The following PTCHD4 variants were observed in gnomAD, a reference collection of about 807,000 sequenced individuals.
PTCHD4 encodes patched domain containing 4, also known as patched domain-containing protein 4.
A neutral mutation model predicts 58.1 loss-of-function variants in PTCHD4; 33 were observed. The observed-to-expected ratio is 0.57, with a 90% confidence interval of 0.43 to 0.76. The LOEUF (loss-of-function observed/expected upper bound fraction) is 0.76, where lower values mean the gene tolerates loss of function less well. Among genes scored for constraint, PTCHD4 ranks in the 30% least tolerant of loss-of-function variants. The pLI is 0.00. For synonymous variants in PTCHD4, 478 were observed against 409.6 expected (o/e 1.17, Z -2.02); for missense variants, 1,058 against 1,027.1 (o/e 1.03, Z -0.41).
chr6:48,094,651 T>C (rs1273455816), intron 1 of PTCHD4, among the ~76,000 whole-genome samples: 1 of 152,168 alleles, frequency 6.6e-6, no homozygotes, highest in Non-Finnish European at 1.5e-5. Context: ...ATAAAGAAGA[T>C]TATATCTCAA....
intron 1 of PTCHD4, among the ~76,000 whole-genome samples, chr6:48,106,344 C>T (rs1172987457): frequency 6.6e-6 from 1 of 152,096 alleles, no homozygotes; most frequent in Non-Finnish European, 1.5e-5. Context: ...GAAACAAAGA[C>T]ACAAACCACA....
chr6:48,021,138 A>G (rs1763054997), intron 3 of PTCHD4, among the ~76,000 whole-genome samples: 1 of 152,142 alleles, frequency 6.6e-6, no homozygotes, highest in South Asian at 2.1e-4. Context: ...TAAAAATAGT[A>G]TAAAATCTAT....
At chr6:48,031,593 A>C (rs962010987) in intron 3 of PTCHD4, among the ~76,000 whole-genome samples, 29 of 152,140 alleles carry the variant, frequency 1.9e-4, no homozygotes, top group Admixed American at 1.6e-3. Flanking sequence ...GAATGTGAGA[A>C]TAGAAGCCGT....
At chr6:48,051,846 T>C (rs1764245246) in intron 3 of PTCHD4, among the ~76,000 whole-genome samples, 1 of 152,054 alleles carries the variant, frequency 6.6e-6, no homozygotes, top group Non-Finnish European at 1.5e-5. Context: ...TTTAAAAGTA[T>C]AGAGCTCTTG....
chr6:48,038,050 G>GA (rs1271657471), intron 3 of PTCHD4, among the ~76,000 whole-genome samples: 1 of 149,632 alleles, frequency 6.7e-6, no homozygotes, highest in Non-Finnish European at 1.5e-5. Flanking sequence ...TGACCAAAAA[G>GA]AAAAAATAAA....
At chr6:48,082,000 G>A (rs1045314323) in intron 1 of PTCHD4, among the ~76,000 whole-genome samples, 7 of 152,168 alleles carry the variant, frequency 4.6e-5, no homozygotes, top group African/African-American at 1.4e-4. Flanking sequence ...TGTTCATTCT[G>A]ATATTCAGGC....
At chr6:48,097,164 T>C (rs1356545399) in intron 1 of PTCHD4, among the ~76,000 whole-genome samples, 2 of 152,064 alleles carry the variant, frequency 1.3e-5, no homozygotes, top group South Asian at 2.1e-4. Context: ...TAAAAGCTTA[T>C]AAAATTTAAA....
At chr6:48,063,359 A>C (rs937249653) in intron 3 of PTCHD4, among the ~76,000 whole-genome samples, 2 of 152,216 alleles carry the variant, frequency 1.3e-5, no homozygotes, top group Non-Finnish European at 2.9e-5. Context: ...TGAGCAAGTA[A>C]GGGAAATAAT....
intron 4 of PTCHD4, among the ~76,000 whole-genome samples, chr6:47,880,635 G>T (rs760439537): frequency 2.0e-5 from 3 of 152,142 alleles, no homozygotes; most frequent in Non-Finnish European, 4.4e-5. Flanking sequence ...TCTGATTCAC[G>T]TGAGATGGAT....
chr6:47,900,708 GA>G (rs1402150743), intron 4 of PTCHD4: 1 of 152,122 alleles, frequency 6.6e-6, no homozygotes, highest in African/African-American at 2.4e-5. Context: ...AGTTTGTTGA[GA>G]GTTATTTTGT....
intron 1 of PTCHD4, among the ~76,000 whole-genome samples, chr6:48,093,752 C>T (rs111992008): frequency 2.4e-3 from 366 of 151,868 alleles, no homozygotes; most frequent in African/African-American, 8.0e-3. Flanking sequence ...AAAAAAATGG[C>T]GAGGAAAAGA....
rs774029655 is a variant in PTCHD4, at chr6:47,866,758, G to A, written c.*11545C>T. On this transcript the variant is annotated 3_prime_UTR_variant, in exon 5 of 5. Transcript: ENST00000339488. ...AACTATTAAAAAGGACAAGGGTAAT[G>A]TATAAATCAGTTAGGTTTATGCTTA... Among the ~76,000 whole-genome samples, 3 of 151,800 alleles carry A rather than the reference G, an allele frequency of 2.0e-5. No homozygotes were observed. Among genetic ancestry groups the A allele is most frequent in the Admixed American group, 6.6e-5 (1 of 15,204 alleles).
chr6:48,018,124 G>T (rs1264434139), intron 3 of PTCHD4, among the ~76,000 whole-genome samples: 1 of 152,140 alleles, frequency 6.6e-6, no homozygotes, highest in Non-Finnish European at 1.5e-5. Flanking sequence ...ATCCATCTAA[G>T]ATTATTCCAT....
Position 48,002,398 on chromosome 6 carries a change from G to A in PTCHD4, c.898+6236C>T, listed in dbSNP as rs560506870. ...TGATAGACTGGATTAAGAAAATGTG[G>A]CACATATACACCATGGAATACTATG... On this transcript the variant is annotated intron_variant, in intron 4 of 4. Transcript: ENST00000339488. 6.8e-4 allele frequency among the ~76,000 whole-genome samples: 104 copies of A among 152,214 alleles called. 1 individual carries two copies. Among genetic ancestry groups the A allele is most frequent in the African/African-American group, 2.3e-3 (96 of 41,530 alleles).
chr6:48,107,332 C>G (rs1267322699), intron 1 of PTCHD4, among the ~76,000 whole-genome samples: 5 of 152,040 alleles, frequency 3.3e-5, no homozygotes, highest in Admixed American at 2.0e-4. Flanking sequence ...ACAAACCTGA[C>G]AAAAACAAGC....
At position 47,857,066 on chromosome 6, in the gene PTCHD4, G is replaced by A. The variant is rs1763324697; in HGVS notation, c.*21237C>T. Among the ~76,000 whole-genome samples the A allele has an allele frequency of 6.6e-6, 1 of 152,024 alleles. No homozygotes were observed. The highest frequency in any genetic ancestry group is 6.6e-5 in the Admixed American group (1 of 15,244). On this transcript the variant is annotated 3_prime_UTR_variant, in exon 5 of 5. Coordinates refer to ENST00000339488, the MANE Select transcript of PTCHD4 (RefSeq NM_001384253.1). ...TGGACCCAGCCCAAATAATCTTTTA[G>A]AGAAAATTTAGACACAAGAAATCAT...
chr6:48,050,363 C>A (rs1764186879), intron 3 of PTCHD4, among the ~76,000 whole-genome samples: 2 of 151,920 alleles, frequency 1.3e-5, no homozygotes, highest in African/African-American at 4.8e-5. Context: ...CACTTTTAAT[C>A]TTGAGTTTCC....
intron 3 of PTCHD4, among the ~76,000 whole-genome samples, chr6:48,062,667 A>C (rs1201103021): frequency 6.6e-6 from 1 of 152,178 alleles, no homozygotes; most frequent in African/African-American, 2.4e-5. Context: ...ACTTATCCCA[A>C]TAGGATGGCC....
intron 4 of PTCHD4, among the ~76,000 whole-genome samples, chr6:47,965,197 T>A (rs1767239588): frequency 6.6e-6 from 1 of 152,206 alleles, no homozygotes; most frequent in Admixed American, 6.5e-5. Context: ...TGTTAGTGCT[T>A]CAGTAAGCAA....
Sources: gnomAD v4.1 joint callset for allele counts (sites outside exome capture counted in the v4.1 genomes callset) on GRCh38, gnomAD v4.1.1 for gene constraint, MANE v1.5 for transcripts, NCBI Gene and HGNC (gene_info 2026-07-23, HGNC 2026-07-21) for gene names.